DRC8: variants seen among roughly 807,000 people sequenced by gnomAD.
DRC8 encodes dynein regulatory complex subunit 8, also known as dynein regulatory complex protein 8.
chr1:244,978,323 GTC>G, the DRC8 span, among the ~76,000 whole-genome samples: 1 of 151,958 alleles, frequency 6.6e-6, no homozygotes, highest in South Asian at 2.1e-4. Context: ...GGAAAACCCC[GTC>G]TCTATTAAAA....
chr1:245,087,490 T>C, the DRC8 span: 1 of 1,390,270 alleles, frequency 7.2e-7, no homozygotes, highest in East Asian at 2.8e-5. Context: ...TTTAAGACAC[T>C]TTGTTTTTAA....
the DRC8 span, among the ~76,000 whole-genome samples, chr1:245,023,507 TTC>T: frequency 6.6e-6 from 1 of 152,206 alleles, no homozygotes; most frequent in South Asian, 2.1e-4. Flanking sequence ...TGCCCAGAGA[TTC>T]TGTTTTCTCC....
At chr1:244,982,003 C>T in the DRC8 span, among the ~76,000 whole-genome samples, 2 of 152,292 alleles carry the variant, frequency 1.3e-5, no homozygotes, top group African/African-American at 2.4e-5. Flanking sequence ...TAGAATTCTC[C>T]TCACCCATCC....
the DRC8 span, among the ~76,000 whole-genome samples, chr1:245,112,693 T>C: frequency 6.6e-6 from 1 of 152,162 alleles, no homozygotes; most frequent in Non-Finnish European, 1.5e-5. Flanking sequence ...TCTAGAACTT[T>C]CTTATTCCAA....
the DRC8 span, among the ~76,000 whole-genome samples, chr1:245,080,644 C>T: frequency 6.6e-6 from 1 of 152,274 alleles, no homozygotes; most frequent in African/African-American, 2.4e-5. Flanking sequence ...CCAGGTCCTA[C>T]CAATTTCACT....
chr1:245,085,610 C>T, the DRC8 span, among the ~76,000 whole-genome samples: 1 of 151,996 alleles, frequency 6.6e-6, no homozygotes, highest in South Asian at 2.1e-4. Flanking sequence ...TTGTGGAGTC[C>T]CAGGCTCAGG....
the DRC8 span, chr1:244,970,185 G>T: frequency 4.2e-6 from 3 of 716,138 alleles, no homozygotes; most frequent in Non-Finnish European, 7.6e-6. Context: ...CCGGGGGCCG[G>T]GTGGCAGACG....
At chr1:245,098,157 G>C in the DRC8 span, among the ~76,000 whole-genome samples, 1 of 152,172 alleles carries the variant, frequency 6.6e-6, no homozygotes, top group African/African-American at 2.4e-5. Flanking sequence ...TAGAGAAAAA[G>C]ACACCAAGAA....
At chr1:244,976,201 G>A in the DRC8 span, among the ~76,000 whole-genome samples, 3 of 152,078 alleles carry the variant, frequency 2.0e-5, no homozygotes, top group Non-Finnish European at 4.4e-5. Flanking sequence ...CCTGGGGGAT[G>A]GAGGTTGCAG....
chr1:244,974,654 T>A, the DRC8 span, among the ~76,000 whole-genome samples: 1 of 152,200 alleles, frequency 6.6e-6, no homozygotes, highest in Admixed American at 6.5e-5. Context: ...ATAACGTCTT[T>A]GTTTTTTTTT....
At chr1:245,075,931 G>A in the DRC8 span, among the ~76,000 whole-genome samples, 1 of 152,164 alleles carries the variant, frequency 6.6e-6, no homozygotes, top group Non-Finnish European at 1.5e-5. Context: ...AGGCCATGTG[G>A]GGAAACAGCA....
chr1:244,971,958 CAAAAAAAA>C, the DRC8 span, among the ~76,000 whole-genome samples: 3,244 of 107,230 alleles, frequency 0.03, 143 homozygotes, highest in African/African-American at 0.12. Flanking sequence ...TGTTCTTTAC[CAAAAAAAA>C]AAAAAAAAAA....
At chr1:245,014,643 A>ATGGGGTGGAGTGAGG in the DRC8 span, among the ~76,000 whole-genome samples, 1 of 136,968 alleles carries the variant, frequency 7.3e-6, no homozygotes, top group South Asian at 2.7e-4. Context: ...AACAGGTGGG[A>ATGGGGTGGAGTGAGG]TGGGGTGGAG....
At chr1:245,087,138 T>C in the DRC8 span, 1,116 of 1,488,520 alleles carry the variant, frequency 7.5e-4, 9 homozygotes, top group Middle Eastern at 7.8e-3. Flanking sequence ...GCGTAACTAG[T>C]GGCACTGTGG....
the DRC8 span, among the ~76,000 whole-genome samples, chr1:245,068,556 C>T: frequency 6.6e-6 from 1 of 152,074 alleles, no homozygotes; most frequent in East Asian, 1.9e-4. Flanking sequence ...GTCCTCTCAT[C>T]TCAGCCTTCC....
chr1:244,977,683 A>G, the DRC8 span, among the ~76,000 whole-genome samples: 1 of 152,280 alleles, frequency 6.6e-6, no homozygotes, highest in Non-Finnish European at 1.5e-5. Context: ...AATAAAAAAT[A>G]ATAATAAAAA....
the DRC8 span, among the ~76,000 whole-genome samples, chr1:245,060,198 G>A: frequency 5.9e-5 from 9 of 152,290 alleles, no homozygotes; most frequent in African/African-American, 1.9e-4. Context: ...TGCACCTAGC[G>A]CAGTACCTGC....
the DRC8 span, among the ~76,000 whole-genome samples, chr1:245,053,744 T>C: frequency 6.6e-6 from 1 of 152,216 alleles, no homozygotes; most frequent in African/African-American, 2.4e-5. Flanking sequence ...CTTTGTTTTC[T>C]GGGGTCTACC....
At chr1:245,081,263 G>A in the DRC8 span, among the ~76,000 whole-genome samples, 5 of 151,992 alleles carry the variant, frequency 3.3e-5, no homozygotes, top group African/African-American at 1.2e-4. Context: ...CTGGGTTCAC[G>A]TGATTCTCCT....
Sources: allele counts gnomAD v4.1 joint callset (sites outside exome capture counted in the v4.1 genomes callset), GRCh38; gene constraint gnomAD v4.1.1; transcripts MANE v1.5; gene names NCBI Gene and HGNC (gene_info 2026-07-23, HGNC 2026-07-21).